The following VPS39 variants were observed in gnomAD, a reference collection of about 807,000 sequenced individuals.
The protein encoded by VPS39 is vam6/Vps39-like protein.
A neutral mutation model predicts 121.0 loss-of-function variants in VPS39; 70 were observed. That is an observed-to-expected ratio of 0.58 (90% confidence interval 0.48 to 0.71). The LOEUF is 0.71. VPS39 is among the 30% of genes least tolerant of loss of function. The pLI, the probability that VPS39 is intolerant of heterozygous loss-of-function variation, is 0.00. For missense variants in VPS39, 818 were observed against 1,051.5 expected (o/e 0.78, Z 3.07); for synonymous variants, 378 against 398.1 (o/e 0.95, Z 0.60).
intron 3 of VPS39, 132 bp downstream of exon 3, chr15:42,191,364 C>T: frequency 2.8e-6 from 3 of 1,072,084 alleles, no homozygotes; most frequent in Non-Finnish European, 4.1e-6. Context: ...GATATATGAG[C>T]AGACACTCCT....
chr15:42,176,887 G>A (rs974990783), intron 10 of VPS39, among the ~76,000 whole-genome samples: 3 of 152,092 alleles, frequency 2.0e-5, no homozygotes, highest in Non-Finnish European at 4.4e-5. Context: ...CTGAGGCTGG[G>A]CATAGTAGTT....
At chr15:42,206,746 C>T (rs1475119259) in intron 1 of VPS39, among the ~76,000 whole-genome samples, 1 of 152,146 alleles carries the variant, frequency 6.6e-6, no homozygotes, top group African/African-American at 2.4e-5. Flanking sequence ...GTCCTAGGAG[C>T]ACAGGCACTG....
In VPS39 at chr15:42,208,075, G is replaced by T. The variant is rs1595694723; in HGVS notation, c.73+6C>A. ...TCCGCCTCGGCCCCGCGGCCCCTCG[G>T]CTCACCCCAGGCAGCCAGACAGTCG... On this transcript the variant is annotated splice_donor_region_variant and intron_variant, in intron 1 of 24. Transcript: ENST00000318006. The T allele has an allele frequency of 5.1e-6, 8 of 1,576,836 alleles. No individual in the cohort carries two copies. Among genetic ancestry groups the T allele is most frequent in the African/African-American group, 2.7e-5 (2 of 74,218 alleles).
chr15:42,162,002 C>T, intron 23 of VPS39, 30 bp downstream of exon 23: 1 of 1,613,218 alleles, frequency 6.2e-7, no homozygotes, highest in South Asian at 1.1e-5. Context: ...GTTAAAAGCC[C>T]ACCCTAGAGT....
Position 42,184,693 on chromosome 15 carries a change from C to T in VPS39, c.542G>A (p.Gly181Glu). ...AAAGAGCTCTTTGATGGACCCCTTTCCATCCACCTATAGGAAGAAACAGAG... is the reference window on the plus strand; with the variant it reads ...AAAGAGCTCTTTGATGGACCCCTTTTCATCCACCTATAGGAAGAAACAGAG... ...KRDYYLIRVD[G>E]KGSIKELFPT... is the part of the protein sequence containing the mutation. Residue 181 changes from glycine (G) to glutamate (E), a missense_variant, in exon 8 of 25, where the codon GGA becomes GAA. Physicochemically the swap from Gly to Glu is moderately conservative, Grantham distance 98. Transcript: ENST00000318006. 1 of 1,611,224 alleles carries T rather than the reference C, an allele frequency of 6.2e-7. No individual in the cohort carries two copies.
intron 8 of VPS39, among the ~76,000 whole-genome samples, chr15:42,180,652 G>T (rs1169175794): frequency 6.6e-6 from 1 of 152,118 alleles, no homozygotes; most frequent in African/African-American, 2.4e-5. Context: ...ACAAATCTCA[G>T]AACAAGACTG....
intron 10 of VPS39, among the ~76,000 whole-genome samples, chr15:42,177,007 A>C (rs1210044776): frequency 6.6e-6 from 1 of 151,860 alleles, no homozygotes; most frequent in Non-Finnish European, 1.5e-5. Context: ...TACAAAAAAT[A>C]AACAAATTAG....
In VPS39 at chr15:42,162,371, C is replaced by T. The variant is rs2049146758; in HGVS notation, c.2286G>A (p.Gln762=). The change falls in exon 22 of 25, where the codon CAG becomes CAA. Residue 762 remains glutamine, a synonymous_variant. Coordinates refer to ENST00000318006, the MANE Select transcript of VPS39 (RefSeq NM_015289.5). ...GTTTGCTGTGGTGTAGCTCGAGGAC[C>T]TGCAGAGCGGCCTGGAGGTTGGCTT... ...EPKANLQAAL[Q]VLELHHSKLD... is the part of the protein sequence containing the mutation. 1 of 1,612,356 alleles carries T rather than the reference C, an allele frequency of 6.2e-7. No homozygotes were observed. The highest frequency in any genetic ancestry group is 1.7e-4 in the Middle Eastern group (1 of 6,060).
chr15:42,165,572 T>C, intron 17 of VPS39, 146 bp downstream of exon 17: 2 of 623,878 alleles, frequency 3.2e-6, no homozygotes, highest in African/African-American at 1.8e-5. Flanking sequence ...TACTGGGATC[T>C]TTTTCTTCAG....
intron 10 of VPS39, among the ~76,000 whole-genome samples, chr15:42,175,236 C>T (rs1049703090): frequency 1.2e-4 from 18 of 151,778 alleles, no homozygotes; most frequent in African/African-American, 3.9e-4. Context: ...GGTGAAACCC[C>T]GTCTCTACTA....
intron 6 of VPS39, among the ~76,000 whole-genome samples, 167 bp from the exon 7 acceptor site, chr15:42,187,530 T>C (rs761971805): frequency 2.6e-5 from 4 of 152,190 alleles, no homozygotes; most frequent in Admixed American, 6.5e-5. Flanking sequence ...TACAAGTCCA[T>C]GAACTGGACA....
intron 1 of VPS39, among the ~76,000 whole-genome samples, chr15:42,204,918 A>G (rs1018316584): frequency 6.6e-6 from 1 of 152,170 alleles, no homozygotes; most frequent in African/African-American, 2.4e-5. Flanking sequence ...TGCATTTTTT[A>G]CAGGCTTTGA....
intron 18 of VPS39, chr15:42,164,773 C>A: frequency 7.0e-7 from 1 of 1,429,400 alleles, no homozygotes; most frequent in Non-Finnish European, 9.1e-7. Flanking sequence ...CCACCCTCCC[C>A]GAGGGATGAC....
chr15:42,208,212 G>T lies in VPS39; in HGVS notation c.-59C>A. 1 of 1,549,666 alleles carries T rather than the reference G, an allele frequency of 6.5e-7. No homozygotes were observed. The highest frequency in any genetic ancestry group is 8.7e-7 in the Non-Finnish European group (1 of 1,145,956). ...CCCAGAGTGTTCCGGGCCGGGCTGG[G>T]GTCCGGAACGAGTCTGGGCTAAGGG... is the stretch of plus-strand genomic sequence containing the variant. On this transcript the variant is annotated 5_prime_UTR_variant, in exon 1 of 25. Coordinates refer to ENST00000318006, the MANE Select transcript of VPS39 (RefSeq NM_015289.5).
intron 2 of VPS39, among the ~76,000 whole-genome samples, chr15:42,193,630 T>A (rs375473403): frequency 6.6e-6 from 1 of 152,326 alleles, no homozygotes; most frequent in African/African-American, 2.4e-5. Flanking sequence ...GATTTTCCAA[T>A]CCAGACCTAC....
chr15:42,184,853 T>C (rs527310947), intron 7 of VPS39, among the ~76,000 whole-genome samples, 153 bp from the exon 8 acceptor site: 9 of 152,274 alleles, frequency 5.9e-5, no homozygotes, highest in Non-Finnish European at 1.2e-4. Flanking sequence ...ATAACCGTTG[T>C]TATCACAATG....
Position 42,167,415 on chromosome 15 carries a change from G to C in VPS39, c.1356C>G (p.Thr452=). Residue 452 remains threonine, a synonymous_variant, in exon 13 of 25, where the codon ACC becomes ACG. Coordinates refer to ENST00000318006, the MANE Select transcript of VPS39 (RefSeq NM_015289.5). ...KKKLLQIIDT[T]LLKCYLHTNV... is the part of the protein sequence containing the mutation. The stretch of plus-strand genomic sequence containing the variant: ...TCACATGGAGATAGCACTTGAGCAG[G>C]GTGGTGTCGATGATTTGTAGCAGCT... 6.2e-7 allele frequency: 1 copy of C among 1,614,148 alleles called. No homozygotes were observed. Among genetic ancestry groups the C allele is most frequent in the Non-Finnish European group, 8.5e-7 (1 of 1,180,000 alleles).
intron 7 of VPS39, among the ~76,000 whole-genome samples, chr15:42,186,593 G>T (rs1203888345): frequency 6.6e-6 from 1 of 152,174 alleles, no homozygotes; most frequent in Non-Finnish European, 1.5e-5. Context: ...TCTACATATA[G>T]TATGCATATT....
Position 42,162,380 on chromosome 15 carries a change from G to C in VPS39, c.2277C>G (p.Ala759=). The change falls in exon 22 of 25, where the codon GCC becomes GCG. Residue 759 remains alanine (A), a synonymous_variant. Coordinates refer to ENST00000318006, the MANE Select transcript of VPS39 (RefSeq NM_015289.5). ...ELLEPKANLQ[A]ALQVLELHHS... ...GGTGTAGCTCGAGGACCTGCAGAGCGGCCTGGAGGTTGGCTTTTGGCTCCA... is the reference window on the plus strand; with the variant it reads ...GGTGTAGCTCGAGGACCTGCAGAGCCGCCTGGAGGTTGGCTTTTGGCTCCA... 6.2e-7 allele frequency: 1 copy of C among 1,612,732 alleles called. No homozygotes were observed. The highest frequency in any genetic ancestry group is 8.5e-7 in the Non-Finnish European group (1 of 1,179,460).
Sources: allele counts gnomAD v4.1 joint callset (sites outside exome capture counted in the v4.1 genomes callset), GRCh38; gene constraint gnomAD v4.1.1; transcripts MANE v1.5; gene names NCBI Gene and HGNC (gene_info 2026-07-23, HGNC 2026-07-21).